CARD8: variants seen among roughly 807,000 people sequenced by gnomAD.
CARD8 encodes the protein caspase recruitment domain family member 8, also known as caspase recruitment domain-containing protein 8.
Under a neutral mutation model 53.2 loss-of-function variants are expected in CARD8, and 38 were observed. That is an observed-to-expected ratio of 0.71 (90% confidence interval 0.55 to 0.94). The LOEUF (loss-of-function observed/expected upper bound fraction) is 0.94, where lower values mean the gene tolerates loss of function less well. Among genes scored for constraint, CARD8 ranks in the 40% least tolerant of loss-of-function variants. The pLI, the probability that CARD8 is intolerant of heterozygous loss-of-function variation, is 0.00. For synonymous variants in CARD8, 245 were observed against 244.9 expected (o/e 1.00, Z 0.00); for missense variants, 561 against 655.5 (o/e 0.86, Z 1.57).
intron 13 of CARD8, among the ~76,000 whole-genome samples, chr19:48,213,388 A>C (rs1426266555): frequency 2.6e-5 from 4 of 151,598 alleles, no homozygotes; most frequent in Non-Finnish European, 5.9e-5. Flanking sequence ...TTATTTATTT[A>C]TTTTGAGACA....
intron 13 of CARD8, among the ~76,000 whole-genome samples, chr19:48,214,712 C>T (rs905661487): frequency 2.0e-5 from 3 of 150,200 alleles, no homozygotes; most frequent in African/African-American, 7.3e-5. Context: ...TTTCAAGTCA[C>T]CCCCTCGGCC....
chr19:48,247,467 G>A (rs559711197), intron 3 of CARD8, among the ~76,000 whole-genome samples: 21 of 152,192 alleles, frequency 1.4e-4, no homozygotes, highest in African/African-American at 4.1e-4. Flanking sequence ...ACTAAAAACT[G>A]ATACTGAATT....
At chr19:48,205,445 G>A (rs2037308931), downstream of CARD8, among the ~76,000 whole-genome samples, 1 of 152,104 alleles carries the variant, frequency 6.6e-6, no homozygotes, top group Non-Finnish European at 1.5e-5. Context: ...GGCCAGGCTG[G>A]TCTTGAACTC....
At chr19:48,220,952 G>GAAA (rs1491168543) in intron 11 of CARD8, among the ~76,000 whole-genome samples, 2,991 of 10,050 alleles carry the variant, frequency 0.3, 118 homozygotes, top group East Asian at 0.45. Flanking sequence ...AGAAAGGAAA[G>GAAA]GAAAGGAAGG....
intron 11 of CARD8, 58 bp downstream of exon 11, chr19:48,221,672 T>G (rs1181980328): frequency 7.7e-7 from 1 of 1,293,038 alleles, no homozygotes; most frequent in Non-Finnish European, 1.0e-6. Flanking sequence ...TTCTTCCATT[T>G]GTTTCAGAAA....
At chr19:48,217,545 G>A (rs545744768) in intron 12 of CARD8, among the ~76,000 whole-genome samples, 4 of 152,118 alleles carry the variant, frequency 2.6e-5, no homozygotes, top group Non-Finnish European at 5.9e-5. Context: ...TTTTGTTCAA[G>A]AGACTTGTTT....
downstream of CARD8, chr19:48,203,447 A>T (rs2037237511): frequency 6.6e-6 from 1 of 152,186 alleles, no homozygotes; most frequent in Non-Finnish European, 1.5e-5. Context: ...GTGACCTTCC[A>T]GCCTATGTTA....
chr19:48,255,538 GATT>G (rs1277780297), intron 1 of CARD8: 6 of 152,138 alleles, frequency 3.9e-5, no homozygotes, highest in African/African-American at 9.7e-5. Flanking sequence ...GTGTGAGAGA[GATT>G]ATTAAGACTG....
chr19:48,232,626 A>G, intron 6 of CARD8, 133 bp from the exon 7 acceptor site: 3 of 787,882 alleles, frequency 3.8e-6, no homozygotes, highest in Non-Finnish European at 6.4e-6. Flanking sequence ...TATGCTATTT[A>G]AATTTGTATG....
intron 1 of CARD8, among the ~76,000 whole-genome samples, chr19:48,252,746 T>TG (rs1446106798): frequency 6.6e-6 from 1 of 151,412 alleles, no homozygotes; most frequent in Non-Finnish European, 1.5e-5. Context: ...GAACCGCCTG[T>TG]GTCAGCCTCC....
chr19:48,204,150 G>C (rs1390853931), downstream of CARD8: 1 of 455,366 alleles, frequency 2.2e-6, no homozygotes, highest in African/African-American at 2.0e-5. Flanking sequence ...TCTGGGTGAG[G>C]AGGCGGACGC....
At chr19:48,220,283 G>A (rs548368757) in intron 11 of CARD8, among the ~76,000 whole-genome samples, 16 of 152,292 alleles carry the variant, frequency 1.1e-4, no homozygotes, top group African/African-American at 3.8e-4. Context: ...CTGAACTGAT[G>A]TCTGCAATAA....
chr19:48,237,698 G>A (rs1308010899), intron 5 of CARD8, among the ~76,000 whole-genome samples: 6 of 151,738 alleles, frequency 4.0e-5, no homozygotes, highest in African/African-American at 1.4e-4. Flanking sequence ...TTGGGAGGCT[G>A]AGGCAAAAGA....
chr19:48,212,311 G>A (rs751168453), intron 13 of CARD8, among the ~76,000 whole-genome samples: 4 of 152,088 alleles, frequency 2.6e-5, no homozygotes, highest in Non-Finnish European at 4.4e-5. Context: ...CTCTAACAAC[G>A]AAACACAAAT....
intron 5 of CARD8, among the ~76,000 whole-genome samples, chr19:48,237,885 A>G (rs1475396448): frequency 1.3e-5 from 2 of 151,944 alleles, no homozygotes; most frequent in African/African-American, 2.4e-5. Flanking sequence ...CTACTTTATC[A>G]TTAATATTGT....
chr19:48,249,146 G>A (rs961460952), intron 3 of CARD8, among the ~76,000 whole-genome samples: 1 of 149,984 alleles, frequency 6.7e-6, no homozygotes, highest in South Asian at 2.1e-4. Flanking sequence ...GCAGTGAGCC[G>A]AGATCACACC....
At chr19:48,234,641 T>G in intron 5 of CARD8, 98 bp from the exon 6 acceptor site, 1 of 1,107,580 alleles carries the variant, frequency 9.0e-7, no homozygotes, top group Non-Finnish European at 1.3e-6. Flanking sequence ...AGCCATAGAC[T>G]CAATATTTTA....
At chr19:48,222,228 C>T (rs1391684272) in intron 10 of CARD8, among the ~76,000 whole-genome samples, 2 of 152,194 alleles carry the variant, frequency 1.3e-5, no homozygotes, top group Non-Finnish European at 2.9e-5. Flanking sequence ...CAGCAGAGAA[C>T]TGGTAGCTCA....
Position 48,209,572 on chromosome 19 carries a change from T to C in CARD8, c.*2138A>G, listed in dbSNP as rs887126278. 3.9e-5 allele frequency: 6 copies of C among 152,128 alleles called. No homozygotes were observed. Among genetic ancestry groups the C allele is most frequent in the African/African-American group, 1.4e-4 (6 of 41,432 alleles). The allele number at this position is 152,128 out of a possible 1,614,324, so 9.4% of individuals were successfully genotyped here. A position where few individuals can be genotyped will look rare whatever the true frequency, so the allele number is the denominator to read the frequency against. ...CTAAATAAGTAGAATATCAGGGACA[T>C]TTAGGAAAACATAAAAGTCTAACAT... On this transcript the variant is annotated 3_prime_UTR_variant, in exon 14 of 14. Coordinates refer to ENST00000651546, the MANE Select transcript of CARD8 (RefSeq NM_001184900.3).
Sources: gnomAD v4.1 joint callset for allele counts (sites outside exome capture counted in the v4.1 genomes callset) on GRCh38, gnomAD v4.1.1 for gene constraint, MANE v1.5 for transcripts, NCBI Gene and HGNC (gene_info 2026-07-23, HGNC 2026-07-21) for gene names.